RSU1: variants seen among roughly 807,000 people sequenced by gnomAD.
The protein encoded by RSU1 is Ras suppressor protein 1, also known as rsu-1.
Under a neutral mutation model 31.1 loss-of-function variants are expected in RSU1, and 26 were observed. The observed-to-expected ratio is 0.84, with a 90% CI of 0.61 to 1.16. RSU1 has a LOEUF of 1.16. RSU1 is among the 50% of genes most tolerant of loss of function. The pLI is 0.00. For missense variants in RSU1, 320 were observed against 339.1 expected (o/e 0.94, Z 0.44); for synonymous variants, 164 against 136.3 (o/e 1.20, Z -1.41).
intron 7 of RSU1, among the ~76,000 whole-genome samples, chr10:16,751,495 C>T (rs2131619167): frequency 6.6e-6 from 1 of 152,320 alleles, no homozygotes; most frequent in East Asian, 1.9e-4. Context: ...TCTCAGTCTT[C>T]CTATGCGTAA....
In RSU1 at chr10:16,810,734, T is replaced by C. The variant is rs146803684; in HGVS notation, c.109+6239A>G. ...ATCACAGATAAAATGGTTTTTACAA[T>C]AGTCATGCACCGCTTAATAATGTTT... On this transcript the variant is annotated intron_variant, in intron 2 of 8. Transcript: ENST00000345264. Among the ~76,000 whole-genome samples the C allele has an allele frequency of 5.3e-3, 803 of 152,268 alleles. 4 individuals carry two copies. The highest frequency in any genetic ancestry group is 0.018 in the African/African-American group (752 of 41,552).
chr10:16,795,076 C>T (rs10795428), intron 2 of RSU1, among the ~76,000 whole-genome samples: 23,447 of 152,018 alleles, frequency 0.15, 3,416 homozygotes, highest in African/African-American at 0.39. Context: ...AGAACAGTCC[C>T]GGCGTGGTGG....
chr10:16,809,278 G>C (rs1369360736), intron 2 of RSU1, among the ~76,000 whole-genome samples: 2 of 152,184 alleles, frequency 1.3e-5, no homozygotes, highest in Non-Finnish European at 2.9e-5. Context: ...CCACATGCAA[G>C]GCAGCTGTGA....
intron 3 of RSU1, among the ~76,000 whole-genome samples, chr10:16,765,932 A>C (rs1471944779): frequency 6.6e-6 from 1 of 152,212 alleles, no homozygotes; most frequent in Non-Finnish European, 1.5e-5. Context: ...ACATACATCT[A>C]AAATATTTAA....
Position 16,754,921 on chromosome 10 carries a change from G to C in RSU1, c.350C>G (p.Thr117Arg), listed in dbSNP as rs529300578. ...AGAATTTTCGCTCAAGTTGTTGTAC[G>C]TCAAGTCCAGAACCTCAAGAGCTGG... ...SLPALEVLDL[T>R]YNNLSENSLP... Residue 117 changes from threonine (T) to arginine (R), a missense_variant, in exon 5 of 9, where the codon ACG (threonine) becomes AGG (arginine). Thr to Arg is a moderately conservative substitution (Grantham distance 71). Transcript: ENST00000345264. The C allele has an allele frequency of 6.2e-7, 1 of 1,613,292 alleles. No homozygotes were observed. The highest frequency in any genetic ancestry group is 8.5e-7 in the Non-Finnish European group (1 of 1,179,592).
At chr10:16,603,908 C>T (rs1440092958) in intron 8 of RSU1, among the ~76,000 whole-genome samples, 4 of 152,168 alleles carry the variant, frequency 2.6e-5, no homozygotes, top group African/African-American at 9.7e-5. Flanking sequence ...TTTGTATGGG[C>T]AATTTACCCA....
At chr10:16,729,324 C>G (rs1418877340) in intron 7 of RSU1, among the ~76,000 whole-genome samples, 1 of 152,182 alleles carries the variant, frequency 6.6e-6, no homozygotes, top group East Asian at 1.9e-4. Context: ...ACAAAATGAG[C>G]ACTCTTCGAT....
At chr10:16,675,653 G>C (rs1330264450) in intron 8 of RSU1, among the ~76,000 whole-genome samples, 2 of 152,054 alleles carry the variant, frequency 1.3e-5, no homozygotes, top group Non-Finnish European at 2.9e-5. Context: ...TGGCAAAGGG[G>C]GACTGGATTA....
intron 8 of RSU1, among the ~76,000 whole-genome samples, chr10:16,691,722 C>CTTTTTTTTT (rs58786188): frequency 9.4e-6 from 1 of 106,072 alleles, no homozygotes; most frequent in African/African-American, 3.7e-5. Flanking sequence ...GCTGCTGCTT[C>CTTTTTTTTT]TTTTTTTTTT....
At chr10:16,664,910 G>A (rs919890552) in intron 8 of RSU1, among the ~76,000 whole-genome samples, 2 of 152,020 alleles carry the variant, frequency 1.3e-5, no homozygotes, top group Non-Finnish European at 2.9e-5. Context: ...TTTATTGAAT[G>A]CTTATTATGT....
At chr10:16,651,825 T>C (rs965535438) in intron 8 of RSU1, among the ~76,000 whole-genome samples, 1 of 152,182 alleles carries the variant, frequency 6.6e-6, no homozygotes, top group African/African-American at 2.4e-5. Flanking sequence ...AACAAATAAC[T>C]GACTTAAAAT....
At chr10:16,791,238 G>T (rs1309399747) in intron 2 of RSU1, among the ~76,000 whole-genome samples, 2 of 152,072 alleles carry the variant, frequency 1.3e-5, no homozygotes, top group Admixed American at 6.6e-5. Context: ...TGTTGGCCAG[G>T]CTGGTCTCGA....
At chr10:16,802,470 G>T (rs1383777968) in intron 2 of RSU1, among the ~76,000 whole-genome samples, 1 of 152,002 alleles carries the variant, frequency 6.6e-6, no homozygotes, top group South Asian at 2.1e-4. Context: ...GCCCAGATAG[G>T]TTTACTCATG....
intron 2 of RSU1, among the ~76,000 whole-genome samples, chr10:16,806,122 CTA>C (rs1049840653): frequency 1.3e-5 from 2 of 152,140 alleles, no homozygotes; most frequent in African/African-American, 4.8e-5. Flanking sequence ...TTTTTTAAAA[CTA>C]TGTGTAAGTA....
At chr10:16,707,059 T>C (rs1281130802) in intron 7 of RSU1, among the ~76,000 whole-genome samples, 1 of 152,212 alleles carries the variant, frequency 6.6e-6, no homozygotes, top group Non-Finnish European at 1.5e-5. Context: ...GTTCATCCAA[T>C]TGTGGCAAAT....
At chr10:16,634,621 A>T (rs1298529217) in intron 8 of RSU1, among the ~76,000 whole-genome samples, 1 of 152,192 alleles carries the variant, frequency 6.6e-6, no homozygotes, top group East Asian at 1.9e-4. Flanking sequence ...CCAGTATATT[A>T]AATGCTGCTC....
At chr10:16,634,821 G>A (rs1018052554) in intron 8 of RSU1, among the ~76,000 whole-genome samples, 1 of 152,250 alleles carries the variant, frequency 6.6e-6, no homozygotes, top group Non-Finnish European at 1.5e-5. Flanking sequence ...AGACTTAGCT[G>A]TGGCTAAGTA....
At chr10:16,746,163 A>G (rs1337921628) in intron 7 of RSU1, among the ~76,000 whole-genome samples, 1 of 152,148 alleles carries the variant, frequency 6.6e-6, no homozygotes, top group Non-Finnish European at 1.5e-5. Flanking sequence ...GGGGATTAGT[A>G]TTTGTTTCCA....
intron 8 of RSU1, among the ~76,000 whole-genome samples, chr10:16,604,925 G>C (rs1249675225): frequency 1.3e-5 from 2 of 152,128 alleles, no homozygotes; most frequent in Non-Finnish European, 2.9e-5. Context: ...TGTTTTACTT[G>C]AAGTAGGAAG....
Sources: allele counts gnomAD v4.1 joint callset (sites outside exome capture counted in the v4.1 genomes callset), GRCh38; gene constraint gnomAD v4.1.1; transcripts MANE v1.5; gene names NCBI Gene and HGNC (gene_info 2026-07-23, HGNC 2026-07-21).